The following KIF26B variants were observed in gnomAD, a reference collection of about 807,000 sequenced individuals.
KIF26B encodes kinesin-like protein KIF26B.
A neutral mutation model predicts 151.2 loss-of-function variants in KIF26B; 63 were observed. The ratio of observed to expected loss-of-function variants is 0.42; its 90% CI spans 0.34 to 0.51. The LOEUF is 0.51. KIF26B is among the 20% of genes least tolerant of loss of function. The pLI is 0.07. For missense variants in KIF26B, 2,813 were observed against 2,913.6 expected, an observed-to-expected ratio of 0.97 and a Z score of 0.79; for synonymous variants, 1,357 against 1,262.1, an observed-to-expected ratio of 1.08 and a Z score of -1.59.
chr1:245,302,136 T>C (rs1671437064), intron 2 of KIF26B, among the ~76,000 whole-genome samples: 1 of 152,256 alleles, frequency 6.6e-6, no homozygotes, highest in Admixed American at 6.5e-5. Flanking sequence ...GCAGGCATTT[T>C]CCCATCATCT....
At chr1:245,261,072 T>C (rs1041666791) in intron 2 of KIF26B, among the ~76,000 whole-genome samples, 1 of 149,452 alleles carries the variant, frequency 6.7e-6, no homozygotes, top group Non-Finnish European at 1.5e-5. Flanking sequence ...CCTTCCTTCC[T>C]TCCCTCCCTC....
At chr1:245,699,062 CT>C in intron 14 of KIF26B, 25 bp downstream of exon 14, 1 of 1,606,258 alleles carries the variant, frequency 6.2e-7, no homozygotes, top group Non-Finnish European at 8.5e-7. Context: ...CCTTCCCACC[CT>C]TGTGACTAGT....
chr1:245,229,102 G>A (rs902443262), intron 2 of KIF26B, among the ~76,000 whole-genome samples: 1 of 152,150 alleles, frequency 6.6e-6, no homozygotes, highest in African/African-American at 2.4e-5. Flanking sequence ...TAGTAGGTCA[G>A]ACTACAGGCA....
At chr1:245,533,208 C>T (rs138320038) in intron 4 of KIF26B, among the ~76,000 whole-genome samples, 1 of 152,240 alleles carries the variant, frequency 6.6e-6, no homozygotes, top group Non-Finnish European at 1.5e-5. Context: ...CATGGCAGCC[C>T]ACAGCAGCAC....
chr1:245,422,075 AG>A, intron 4 of KIF26B, among the ~76,000 whole-genome samples: 1 of 152,290 alleles, frequency 6.6e-6, no homozygotes, highest in East Asian at 1.9e-4. Context: ...CAGAACGACA[AG>A]GGCTTGCAGT....
chr1:245,585,487 TC>T (rs1311932582), intron 5 of KIF26B, among the ~76,000 whole-genome samples: 1 of 151,512 alleles, frequency 6.6e-6, no homozygotes, highest in African/African-American at 2.4e-5. Flanking sequence ...TAATACGTGA[TC>T]CTGAGGATGG....
intron 3 of KIF26B, among the ~76,000 whole-genome samples, chr1:245,405,103 A>C (rs1413360830): frequency 6.6e-6 from 1 of 152,244 alleles, no homozygotes; most frequent in Non-Finnish European, 1.5e-5. Context: ...TCAGATGCAA[A>C]GTCTGTCATG....
chr1:245,175,391 C>T (rs573816447), intron 2 of KIF26B, among the ~76,000 whole-genome samples: 1 of 151,932 alleles, frequency 6.6e-6, no homozygotes, highest in Non-Finnish European at 1.5e-5. Context: ...AAGTGCATTA[C>T]TTATGTGCTG....
At chr1:245,591,818 C>A (rs2043291584) in intron 5 of KIF26B, among the ~76,000 whole-genome samples, 1 of 152,210 alleles carries the variant, frequency 6.6e-6, no homozygotes, top group East Asian at 1.9e-4. Flanking sequence ...CAGCCCCCGA[C>A]ATGTGTCTGT....
chr1:245,666,181 T>C (rs985746311), intron 10 of KIF26B, among the ~76,000 whole-genome samples: 12 of 151,934 alleles, frequency 7.9e-5, no homozygotes. Context: ...TTTTTGTTTT[T>C]AGTATAGATG....
At chr1:245,380,093 G>A (rs1448118395) in intron 3 of KIF26B, among the ~76,000 whole-genome samples, 1 of 152,062 alleles carries the variant, frequency 6.6e-6, no homozygotes, top group Non-Finnish European at 1.5e-5. Context: ...TTATCTTATA[G>A]AGGTATTTGT....
intron 2 of KIF26B, among the ~76,000 whole-genome samples, chr1:245,290,288 C>A (rs77476556): frequency 6.6e-6 from 1 of 152,112 alleles, no homozygotes; most frequent in African/African-American, 2.4e-5. Context: ...AAAGGAGTTC[C>A]GATCCAGACT....
At position 245,239,253 on chromosome 1, in the gene KIF26B, C is replaced by T. The variant is rs1020778676; in HGVS notation, c.465+82570C>T. Reference sequence around the variant, plus strand: ...CCGTGCAGATATCAGGCTGCAGTCCCGCAGAAAATGATGATGTTGCACAAG... The same window carrying T: ...CCGTGCAGATATCAGGCTGCAGTCCTGCAGAAAATGATGATGTTGCACAAG... On this transcript the variant is annotated intron_variant, in intron 2 of 14. Transcript: ENST00000407071. The surrounding 1 kb of genome is among the most constrained non-coding windows in gnomAD (Gnocchi z 4.3). Among the ~76,000 whole-genome samples the T allele has an allele frequency of 5.3e-5, 8 of 152,118 alleles. No individual in the cohort carries two copies. The highest frequency in any genetic ancestry group is 2.1e-4 in the South Asian group (1 of 4,818).
intron 5 of KIF26B, among the ~76,000 whole-genome samples, chr1:245,573,555 G>A (rs1034059142): frequency 3.3e-5 from 5 of 151,964 alleles, no homozygotes; most frequent in African/African-American, 1.2e-4. Flanking sequence ...ATAATAATGA[G>A]TGAAGATTAG....
At chr1:245,201,997 C>T (rs1409533250) in intron 2 of KIF26B, among the ~76,000 whole-genome samples, 1 of 152,128 alleles carries the variant, frequency 6.6e-6, no homozygotes, top group East Asian at 1.9e-4. Flanking sequence ...AGGCAGGAGG[C>T]CTGTTGGTCT....
At chr1:245,317,371 A>G (rs563399133) in intron 2 of KIF26B, among the ~76,000 whole-genome samples, 25 of 152,218 alleles carry the variant, frequency 1.6e-4, no homozygotes, top group African/African-American at 5.1e-4. Context: ...GGTTGTTGCT[A>G]TCCCCCAGGG....
chr1:245,688,707 C>A lies in KIF26B; in HGVS notation c.5724C>A (p.Thr1908=), dbSNP rs1423660641. 1 of 1,607,552 alleles carries A rather than the reference C, an allele frequency of 6.2e-7. No individual in the cohort carries two copies. The highest frequency in any genetic ancestry group is 2.2e-5 in the East Asian group (1 of 44,626). Residue 1908 remains threonine, a synonymous_variant, in exon 12 of 15, where the codon ACC becomes ACA. Coordinates refer to ENST00000407071, the MANE Select transcript of KIF26B (RefSeq NM_018012.4). ...YESVMRDSEA[T]GSASSAQDST... ...GCGTGATGCGGGACAGCGAGGCCAC[C>A]GGCAGCGCGTCCTCGGCGCAGGACT...
At chr1:245,610,231 C>A (rs544806061) in intron 8 of KIF26B, among the ~76,000 whole-genome samples, 1 of 152,296 alleles carries the variant, frequency 6.6e-6, no homozygotes, top group South Asian at 2.1e-4. Context: ...CTGCCTCTTC[C>A]CAACTGGGAT....
At chr1:245,260,191 CT>C (rs1670607777) in intron 2 of KIF26B, among the ~76,000 whole-genome samples, 1 of 152,104 alleles carries the variant, frequency 6.6e-6, no homozygotes, top group African/African-American at 2.4e-5. Context: ...TTGCCTGCCC[CT>C]CCCTTCATTT....
Sources: gnomAD v4.1 joint callset for allele counts (sites outside exome capture counted in the v4.1 genomes callset) on GRCh38, gnomAD v4.1.1 for gene constraint, Gnocchi (gnomAD v3.1) non-coding constraint, MANE v1.5 for transcripts, NCBI Gene and HGNC (gene_info 2026-07-23, HGNC 2026-07-21) for gene names.